Variants in GSG1L observed in about 807,000 individuals in gnomAD.
The protein encoded by GSG1L is germ cell-specific gene 1-like protein.
Under a neutral mutation model 42.1 loss-of-function variants are expected in GSG1L, and 24 were observed. That is an observed-to-expected ratio of 0.57 (90% CI 0.41 to 0.80). The LOEUF is 0.80. GSG1L is among the 30% of genes least tolerant of loss of function. The pLI is 0.00. For synonymous variants in GSG1L, 215 were observed against 203.5 expected (o/e 1.06, Z -0.48); for missense variants, 445 against 472.2 (o/e 0.94, Z 0.53).
intron 3 of GSG1L, among the ~76,000 whole-genome samples, chr16:27,880,301 G>A (rs920581738): frequency 6.6e-6 from 1 of 152,118 alleles, no homozygotes; most frequent in African/African-American, 2.4e-5. Context: ...ATCTTCTCCT[G>A]GGCATGAATA....
At chr16:28,000,170 T>C (rs2141143142) in intron 1 of GSG1L, among the ~76,000 whole-genome samples, 1 of 152,276 alleles carries the variant, frequency 6.6e-6, no homozygotes, top group African/African-American at 2.4e-5. Flanking sequence ...TTCTGTGCGC[T>C]CAAAAGTTAG....
chr16:27,799,502 A>G (rs1597457971), intron 6 of GSG1L, among the ~76,000 whole-genome samples: 1 of 152,228 alleles, frequency 6.6e-6, no homozygotes, highest in East Asian at 1.9e-4. Context: ...CTATAATCAC[A>G]TCACTGCACT....
chr16:27,824,235 G>C (rs1222675699), intron 5 of GSG1L, among the ~76,000 whole-genome samples: 1 of 152,196 alleles, frequency 6.6e-6, no homozygotes, highest in East Asian at 1.9e-4. Flanking sequence ...GACACCAAGA[G>C]CTCTGGATTC....
chr16:27,854,836 G>A (rs755448197), intron 3 of GSG1L, among the ~76,000 whole-genome samples: 21 of 152,160 alleles, frequency 1.4e-4, no homozygotes, highest in Non-Finnish European at 3.1e-4. Flanking sequence ...AGAGGACAAG[G>A]AGAAAGTTCT....
chr16:27,867,931 C>G (rs2083752538), intron 3 of GSG1L, among the ~76,000 whole-genome samples: 1 of 152,262 alleles, frequency 6.6e-6, no homozygotes, highest in African/African-American at 2.4e-5. Flanking sequence ...AGACCAGGCC[C>G]AGAAATTCCC....
intron 5 of GSG1L, among the ~76,000 whole-genome samples, chr16:27,814,651 C>A (rs1388314868): frequency 6.8e-6 from 1 of 146,400 alleles, no homozygotes; most frequent in African/African-American, 2.5e-5. Context: ...CACCATTGCA[C>A]TCCAGCCTGG....
chr16:28,025,801 C>T (rs185520935), intron 1 of GSG1L, among the ~76,000 whole-genome samples: 8 of 152,310 alleles, frequency 5.3e-5, no homozygotes, highest in African/African-American at 1.9e-4. Flanking sequence ...AGAGGGCTGA[C>T]AGTTGGGCGT....
chr16:27,945,346 C>T (rs750989981), intron 2 of GSG1L, among the ~76,000 whole-genome samples: 26 of 152,136 alleles, frequency 1.7e-4, no homozygotes, highest in Non-Finnish European at 3.1e-4. Context: ...AAACTGACAA[C>T]CTCTGCCCTC....
chr16:28,039,254 G>A (rs1475194233), intron 1 of GSG1L, among the ~76,000 whole-genome samples: 1 of 152,160 alleles, frequency 6.6e-6, no homozygotes, highest in East Asian at 1.9e-4. Flanking sequence ...CCCATGCTGT[G>A]TATTTTCCAT....
chr16:27,804,322 C>T (rs913146535), intron 6 of GSG1L, among the ~76,000 whole-genome samples: 10 of 152,130 alleles, frequency 6.6e-5, no homozygotes, highest in Non-Finnish European at 1.5e-4. Flanking sequence ...TGGCTCCTTC[C>T]AGCTGTCGGA....
chr16:27,855,425 A>G (rs1387202221), intron 3 of GSG1L, among the ~76,000 whole-genome samples: 5 of 152,152 alleles, frequency 3.3e-5, no homozygotes, highest in Non-Finnish European at 7.4e-5. Context: ...GGGCTGCAGA[A>G]AAAGACCAAC....
chr16:28,021,911 C>T (rs1237173215), intron 1 of GSG1L, among the ~76,000 whole-genome samples: 1 of 152,182 alleles, frequency 6.6e-6, no homozygotes, highest in Admixed American at 6.5e-5. Context: ...ACTTGAGCAT[C>T]CTCACAGCAT....
intron 2 of GSG1L, among the ~76,000 whole-genome samples, chr16:27,909,978 T>TTTTTC (rs2084367069): frequency 6.7e-6 from 1 of 149,518 alleles, no homozygotes. Flanking sequence ...TTTTTTTGTT[T>TTTTTC]AGACAGAGTC....
intron 3 of GSG1L, among the ~76,000 whole-genome samples, chr16:27,846,135 A>T (rs2083440756): frequency 6.6e-6 from 1 of 152,140 alleles, no homozygotes; most frequent in Non-Finnish European, 1.5e-5. Context: ...CCATAATTAC[A>T]TGGGTGCACT....
intron 1 of GSG1L, among the ~76,000 whole-genome samples, chr16:28,039,647 GCA>G (rs1390843719): frequency 1.3e-5 from 2 of 150,010 alleles, no homozygotes; most frequent in Non-Finnish European, 3.0e-5. Context: ...GCACACACAT[GCA>G]CACTCACACG....
intron 2 of GSG1L, among the ~76,000 whole-genome samples, chr16:27,915,703 G>A (rs772577504): frequency 6.6e-6 from 1 of 152,148 alleles, no homozygotes; most frequent in Non-Finnish European, 1.5e-5. Flanking sequence ...TTGAGCCCAG[G>A]AGTTTGAGGC....
At chr16:27,966,347 A>C (rs2085133491) in intron 1 of GSG1L, among the ~76,000 whole-genome samples, 1 of 152,154 alleles carries the variant, frequency 6.6e-6, no homozygotes, top group Non-Finnish European at 1.5e-5. Context: ...CTACAAAAAA[A>C]TTTAAAAATT....
At chr16:27,852,239 C>T (rs1191892017) in intron 3 of GSG1L, among the ~76,000 whole-genome samples, 1 of 152,152 alleles carries the variant, frequency 6.6e-6, no homozygotes, top group African/African-American at 2.4e-5. Flanking sequence ...CTGGTGGGGA[C>T]CTGGAGGATG....
chr16:27,895,405 G>T (rs1011413949), intron 2 of GSG1L, among the ~76,000 whole-genome samples: 72 of 151,988 alleles, frequency 4.7e-4, no homozygotes, highest in African/African-American at 1.7e-3. Context: ...TTCCAGCCTT[G>T]TCTCCCTATA....
Sources: allele counts gnomAD v4.1 joint callset (sites outside exome capture counted in the v4.1 genomes callset), GRCh38; gene constraint gnomAD v4.1.1; transcripts MANE v1.5; gene names NCBI Gene and HGNC (gene_info 2026-07-23, HGNC 2026-07-21).